OSBP2: variants seen among roughly 807,000 people sequenced by gnomAD.
OSBP2 encodes the protein oxysterol binding protein 2.
OSBP2 carries 66 observed loss-of-function variants against 96.0 expected under a neutral mutation model. The observed-to-expected ratio is 0.69, with a 90% confidence interval of 0.56 to 0.84. The LOEUF (loss-of-function observed/expected upper bound fraction) is 0.84. Among genes scored for constraint, OSBP2 ranks in the 40% least tolerant of loss-of-function variants. The pLI, the probability that OSBP2 is intolerant of heterozygous loss-of-function variation, is 0.00. For missense variants in OSBP2, 1,038 were observed against 1,222.7 expected, an observed-to-expected ratio of 0.85 and a Z score of 2.25; for synonymous variants, 525 against 520.9, an observed-to-expected ratio of 1.01 and a Z score of -0.11.
chr22:30,832,075 G>C (rs1166473074), intron 2 of OSBP2, among the ~76,000 whole-genome samples: 7 of 152,026 alleles, frequency 4.6e-5, no homozygotes, highest in African/African-American at 1.4e-4. Context: ...GCATCTCACT[G>C]TCCTGGGACA....
intron 2 of OSBP2, among the ~76,000 whole-genome samples, chr22:30,796,313 G>A (rs2090760795): frequency 6.6e-6 from 1 of 152,054 alleles, no homozygotes; most frequent in Non-Finnish European, 1.5e-5. Context: ...GATGCTCAGG[G>A]TTGAATTTGT....
chr22:30,816,098 G>A (rs570274940), intron 2 of OSBP2, among the ~76,000 whole-genome samples: 86 of 151,966 alleles, frequency 5.7e-4, no homozygotes, highest in African/African-American at 2.0e-3. Flanking sequence ...TAGTCTCACT[G>A]GCATTTGCTG....
rs377502781 is a variant in OSBP2, at chr22:30,870,472, G to A, written c.897G>A (p.Lys299=). 5.0e-6 allele frequency: 8 copies of A among 1,613,958 alleles called. No homozygotes were observed. The East Asian group carries it at 6.7e-5, about 13-fold the overall frequency. The stretch of plus-strand genomic sequence containing the variant: ...ACGAGGCTACCACCCCAGCCGACAA[G>A]AGCGAGCTGCACCACACCCTGAAGA... ...DDDEATTPAD[K]SELHHTLKNL... Residue 299 remains lysine, a synonymous_variant, in exon 3 of 14, where the codon AAG becomes AAA. Coordinates refer to ENST00000332585, the MANE Select transcript of OSBP2 (RefSeq NM_030758.4). This position sits in a 1 kb window ranked among gnomAD's most constrained non-coding sequence, Gnocchi z 4.1.
chr22:30,729,967 G>GT lies in OSBP2; in HGVS notation c.645-11185dup, dbSNP rs796386618. 4.2e-3 allele frequency among the ~76,000 whole-genome samples: 637 copies of GT among 150,998 alleles called. 1 individual carries two copies. Among genetic ancestry groups the GT allele is most frequent in the East Asian group, 9.2e-3 (47 of 5,128 alleles). On this transcript the variant is annotated intron_variant, in intron 1 of 13. Coordinates refer to ENST00000332585, the MANE Select transcript of OSBP2 (RefSeq NM_030758.4). ...TTTCTGGGTTTTTTTGTTTTTTGGGGTTTTTTTTTGAGATGGAGTCTCCCT... is the reference window on the plus strand; with the variant it reads ...TTTCTGGGTTTTTTTGTTTTTTGGGGTTTTTTTTTTGAGATGGAGTCTCCCT...
At chr22:30,882,574 C>G (rs190561225) in intron 3 of OSBP2, among the ~76,000 whole-genome samples, 88 of 151,848 alleles carry the variant, frequency 5.8e-4, no homozygotes, top group Non-Finnish European at 6.8e-4. Flanking sequence ...CACAGTGGGC[C>G]CGCGGTGTGA....
chr22:30,849,326 T>A (rs1441363980), intron 2 of OSBP2, among the ~76,000 whole-genome samples: 1 of 152,152 alleles, frequency 6.6e-6, no homozygotes, highest in African/African-American at 2.4e-5. Flanking sequence ...TGCTACACTT[T>A]GTTTTCCAAA....
chr22:30,869,452 G>A (rs1231003849), intron 2 of OSBP2, among the ~76,000 whole-genome samples: 1 of 152,254 alleles, frequency 6.6e-6, no homozygotes. Context: ...CAGGGAGATC[G>A]GTGAAGGGGA....
At chr22:30,781,134 C>G (rs2090513390) in intron 2 of OSBP2, among the ~76,000 whole-genome samples, 1 of 149,644 alleles carries the variant, frequency 6.7e-6, no homozygotes, top group South Asian at 2.1e-4. Context: ...CGCCACCATG[C>G]CTGGCTAATT....
chr22:30,769,986 G>A (rs2090326714), intron 2 of OSBP2, among the ~76,000 whole-genome samples: 1 of 152,072 alleles, frequency 6.6e-6, no homozygotes, highest in Non-Finnish European at 1.5e-5. Context: ...TCATGGTAGT[G>A]AATAAGTCTC....
In OSBP2 at chr22:30,789,464, C is replaced by A. The variant is rs115077808; in HGVS notation, c.853+48095C>A. 4.2e-3 allele frequency among the ~76,000 whole-genome samples: 637 copies of A among 152,282 alleles called. 3 individuals are homozygous for A. The highest frequency in any genetic ancestry group is 0.02 in the Middle Eastern group (6 of 294). ...TCTCTACACAAGTTCAAATTTTCCA[C>A]CATTTCCAGGAGCCTGCAGCTAACA... On this transcript the variant is annotated intron_variant, in intron 2 of 13. Coordinates refer to ENST00000332585, the MANE Select transcript of OSBP2 (RefSeq NM_030758.4).
chr22:30,883,052 A>G (rs2039735482), intron 3 of OSBP2, among the ~76,000 whole-genome samples: 1 of 152,244 alleles, frequency 6.6e-6, no homozygotes, highest in South Asian at 2.1e-4. Flanking sequence ...GCACCCATCT[A>G]TGTGAGAACT....
chr22:30,888,184 T>C (rs758780691), intron 4 of OSBP2, 39 bp from the exon 5 acceptor site: 1 of 1,377,868 alleles, frequency 7.3e-7, no homozygotes, highest in Non-Finnish European at 1.0e-6. Flanking sequence ...ATTGAGCCTT[T>C]TGTGAGGTTA....
chr22:30,873,355 G>A (rs1273755908), intron 3 of OSBP2, among the ~76,000 whole-genome samples: 1 of 152,174 alleles, frequency 6.6e-6, no homozygotes, highest in Non-Finnish European at 1.5e-5. Context: ...CCCTGGGCGG[G>A]ATCCCAACCT....
intron 3 of OSBP2, among the ~76,000 whole-genome samples, chr22:30,872,026 C>T (rs766347653): frequency 1.8e-4 from 27 of 152,230 alleles, no homozygotes; most frequent in East Asian, 3.8e-4. Context: ...GGTGCCCACC[C>T]GCCTCAGCTC....
At chr22:30,730,813 T>A (rs1353263948) in intron 1 of OSBP2, among the ~76,000 whole-genome samples, 11 of 115,684 alleles carry the variant, frequency 9.5e-5, no homozygotes, top group South Asian at 3.0e-4. Flanking sequence ...TATATAATTT[T>A]TTTTTTTTTT....
rs41282553 is a variant in OSBP2, at chr22:30,890,941, G to A, written c.1837G>A (p.Asp613Asn). The A allele has an allele frequency of 0.027, 44,205 of 1,610,660 alleles. 735 individuals carry two copies. Among genetic ancestry groups the A allele is most frequent in the Non-Finnish European group, 0.031 (37,024 of 1,179,992 alleles). Residue 613 changes from aspartate to asparagine, a missense_variant, in exon 8 of 14, where the codon GAC becomes AAC. Asp to Asn is a conservative substitution (Grantham distance 23). This residue lies in a region of OSBP2 where 737 missense variants were observed against 913.3 expected (regional missense o/e 0.81). Transcript: ENST00000332585. This position sits in a 1 kb window ranked among gnomAD's most constrained non-coding sequence, Gnocchi z 4.4. ...GGAGACCTTCGAGCTGGACCGCCTC[G>A]ACGACATGGGCCTGCGCTCCCTCTG... Reference protein sequence around the residue: ...LGETFELDRLDDMGLRSLCEQ... With the variant: ...LGETFELDRLNDMGLRSLCEQ...
At chr22:30,723,876 A>T (rs1272125968) in intron 1 of OSBP2, among the ~76,000 whole-genome samples, 1 of 152,182 alleles carries the variant, frequency 6.6e-6, no homozygotes, top group Non-Finnish European at 1.5e-5. Flanking sequence ...ACAGTGGATG[A>T]ACCCACATCG....
At chr22:30,799,055 G>A (rs1256965808) in intron 2 of OSBP2, among the ~76,000 whole-genome samples, 1 of 127,414 alleles carries the variant, frequency 7.8e-6, no homozygotes, top group African/African-American at 2.9e-5. Context: ...TACATGCAAA[G>A]GTTTCCTTCC....
chr22:30,694,089 G>A, upstream of OSBP2: 1 of 1,110,124 alleles, frequency 9.0e-7, no homozygotes, highest in Non-Finnish European at 1.3e-6. Context: ...CTCTGCGGAA[G>A]CCTCACAGAC....
Sources: gnomAD v4.1 joint callset for allele counts (sites outside exome capture counted in the v4.1 genomes callset) on GRCh38, gnomAD v4.1.1 for gene constraint, gnomAD v4.1.1 regional missense constraint, Gnocchi (gnomAD v3.1) non-coding constraint, MANE v1.5 for transcripts, NCBI Gene and HGNC (gene_info 2026-07-23, HGNC 2026-07-21) for gene names.